The following COL22A1 variants were observed in gnomAD, a reference collection of about 807,000 sequenced individuals.
The protein encoded by COL22A1 is collagen type XXII alpha 1 chain, also known as collagen alpha-1(XXII) chain.
In COL22A1, 221 loss-of-function variants were observed where a neutral mutation model predicts 248.9. The ratio of observed to expected loss-of-function variants is 0.89; its 90% confidence interval spans 0.80 to 0.99. The LOEUF (loss-of-function observed/expected upper bound fraction) is 0.99, where lower values mean the gene tolerates loss of function less well. COL22A1 is among the 50% of genes least tolerant of loss of function. The pLI is 0.00. For synonymous variants in COL22A1, 891 were observed against 793.4 expected (o/e 1.12, Z -2.07); for missense variants, 2,240 against 2,179.0 (o/e 1.03, Z -0.56).
intron 3 of COL22A1, among the ~76,000 whole-genome samples, chr8:138,850,493 C>G (rs989595223): frequency 1.4e-4 from 21 of 152,044 alleles, no homozygotes; most frequent in African/African-American, 3.9e-4. Context: ...AGATGCGGCA[C>G]GAAGAATGAG....
chr8:138,911,270 C>T (rs1183997083), intron 1 of COL22A1, among the ~76,000 whole-genome samples: 1 of 152,260 alleles, frequency 6.6e-6, no homozygotes, highest in Non-Finnish European at 1.5e-5. Context: ...AGCAGACCAG[C>T]TGCCTCTTCT....
chr8:138,808,388 A>G (rs886680911), intron 9 of COL22A1, among the ~76,000 whole-genome samples: 1 of 152,224 alleles, frequency 6.6e-6, no homozygotes, highest in Non-Finnish European at 1.5e-5. Flanking sequence ...AAAAACCCAA[A>G]GGGGTATTCA....
intron 12 of COL22A1, among the ~76,000 whole-genome samples, chr8:138,788,953 G>A (rs1481024444): frequency 6.6e-6 from 1 of 152,186 alleles, no homozygotes. Context: ...GCTGCTAAGT[G>A]ACCCAGCCAA....
intron 7 of COL22A1, among the ~76,000 whole-genome samples, chr8:138,819,542 A>ATAAT (rs1818930106): frequency 6.7e-6 from 1 of 149,594 alleles, no homozygotes; most frequent in African/African-American, 2.4e-5. Context: ...TTATATCTAT[A>ATAAT]TAATGTACCA....
chr8:138,827,501 C>T lies in COL22A1; in HGVS notation c.846-720G>A, dbSNP rs376264818. 3.6e-4 allele frequency among the ~76,000 whole-genome samples: 55 copies of T among 152,174 alleles called. 1 individual carries two copies. In the East Asian group the frequency reaches 7.8e-3, roughly 21 times the overall value. The stretch of plus-strand genomic sequence containing the variant: ...TGTATAAGCCACCCAGCTTAGCTTA[C>T]GGTGCTTTGTCATGGCGGCCAGAAT... On this transcript the variant is annotated intron_variant, in intron 5 of 64. Coordinates refer to ENST00000303045, the MANE Select transcript of COL22A1 (RefSeq NM_152888.3).
intron 45 of COL22A1, among the ~76,000 whole-genome samples, chr8:138,651,041 T>C (rs1822685706): frequency 6.6e-6 from 1 of 152,226 alleles, no homozygotes; most frequent in South Asian, 2.1e-4. Flanking sequence ...TGTTTTCTTC[T>C]TGGTCTCCGA....
At chr8:138,660,780 G>GCA (rs909512784) in intron 43 of COL22A1, among the ~76,000 whole-genome samples, 155 of 128,264 alleles carry the variant, frequency 1.2e-3, no homozygotes, top group African/African-American at 4.0e-3. Flanking sequence ...ATGCACGCAT[G>GCA]CACACACACA....
At chr8:138,837,359 G>T (rs1419700576) in intron 4 of COL22A1, among the ~76,000 whole-genome samples, 1 of 152,210 alleles carries the variant, frequency 6.6e-6, no homozygotes, top group Non-Finnish European at 1.5e-5. Context: ...GTTGGACGAG[G>T]CCAGTCACCC....
intron 5 of COL22A1, among the ~76,000 whole-genome samples, chr8:138,827,549 C>A (rs769672744): frequency 6.6e-6 from 1 of 152,108 alleles, no homozygotes; most frequent in Admixed American, 6.5e-5. Flanking sequence ...AGCACATCCT[C>A]TTCTCTCCCA....
At chr8:138,877,290 T>C (rs1823793039) in intron 3 of COL22A1, among the ~76,000 whole-genome samples, 1 of 152,216 alleles carries the variant, frequency 6.6e-6, no homozygotes, top group Non-Finnish European at 1.5e-5. Context: ...GCTTCTTGCG[T>C]GATCCCTCAT....
At chr8:138,717,949 C>T (rs1009754263) in intron 27 of COL22A1, among the ~76,000 whole-genome samples, 2 of 152,184 alleles carry the variant, frequency 1.3e-5, no homozygotes, top group African/African-American at 2.4e-5. Flanking sequence ...ATGCTATTTA[C>T]TAAAACCTTT....
chr8:138,822,331 T>A (rs550352065), intron 6 of COL22A1, among the ~76,000 whole-genome samples: 1 of 152,314 alleles, frequency 6.6e-6, no homozygotes, highest in South Asian at 2.1e-4. Flanking sequence ...ATTACTGATG[T>A]GAGCCACCGT....
At chr8:138,647,705 C>CCCTGCCAGGT (rs1283551737) in intron 46 of COL22A1, among the ~76,000 whole-genome samples, 3 of 152,110 alleles carry the variant, frequency 2.0e-5, no homozygotes, top group Admixed American at 2.0e-4. Context: ...GTTCGTGGCC[C>CCCTGCCAGGT]CCTGCCAGGT....
At chr8:138,775,785 A>C (rs1015172463) in intron 16 of COL22A1, among the ~76,000 whole-genome samples, 181 bp downstream of exon 16, 1 of 152,186 alleles carries the variant, frequency 6.6e-6, no homozygotes, top group Admixed American at 6.5e-5. Context: ...CACTGTCTGC[A>C]TCAGCCCTCG....
chr8:138,887,866 G>T (rs1011449439), intron 1 of COL22A1, among the ~76,000 whole-genome samples: 2 of 152,132 alleles, frequency 1.3e-5, no homozygotes, highest in Non-Finnish European at 2.9e-5. Flanking sequence ...GGAGTGTGCG[G>T]GTGCTCCTGT....
chr8:138,637,059 A>C (rs559746246), intron 47 of COL22A1, among the ~76,000 whole-genome samples: 1 of 152,130 alleles, frequency 6.6e-6, no homozygotes, highest in African/African-American at 2.4e-5. Context: ...GGCAGGGCTC[A>C]TTTCTTTGAG....
Position 138,676,633 on chromosome 8 carries a change from C to T in COL22A1, c.3075G>A (p.Gly1025=). The T allele has an allele frequency of 6.4e-7, 1 of 1,560,128 alleles. No homozygotes were observed. The highest frequency in any genetic ancestry group is 1.2e-5 in the South Asian group (1 of 84,728). ...CAGGGATCCCAGGAGCTCCTCGATC[C>T]CCCTAGAAAGAGAGAAAAATAAGAT... ...NCALGGQCVK[G]DRGAPGIPGS... Residue 1025 remains glycine (G), a splice_region_variant and synonymous_variant, in exon 41 of 65, where the codon GGG becomes GGA. Coordinates refer to ENST00000303045, the MANE Select transcript of COL22A1 (RefSeq NM_152888.3).
chr8:138,764,992 G>A (rs1833797101), intron 16 of COL22A1, among the ~76,000 whole-genome samples: 2 of 152,122 alleles, frequency 1.3e-5, no homozygotes, highest in African/African-American at 2.4e-5. Context: ...AAAAGTCTTT[G>A]CATCACGTGA....
intron 27 of COL22A1, among the ~76,000 whole-genome samples, chr8:138,720,287 A>G (rs989328887): frequency 4.6e-5 from 7 of 152,088 alleles, no homozygotes; most frequent in African/African-American, 1.7e-4. Flanking sequence ...GGGTCAAGGG[A>G]TTAGGAAGCA....
Sources: allele counts gnomAD v4.1 joint callset (sites outside exome capture counted in the v4.1 genomes callset), GRCh38; gene constraint gnomAD v4.1.1; transcripts MANE v1.5; gene names NCBI Gene and HGNC (gene_info 2026-07-23, HGNC 2026-07-21).